Variants in AGBL4 observed in about 807,000 individuals in gnomAD.
AGBL4 encodes the protein cytosolic carboxypeptidase 6.
Under a neutral mutation model 66.4 loss-of-function variants are expected in AGBL4, and 58 were observed. The ratio of observed to expected loss-of-function variants is 0.87; its 90% confidence interval spans 0.71 to 1.09. The LOEUF (loss-of-function observed/expected upper bound fraction) is 1.09, where lower values mean the gene tolerates loss of function less well. AGBL4 is among the 50% of genes least tolerant of loss of function. The pLI is 0.00. For missense variants in AGBL4, 579 were observed against 631.0 expected, an observed-to-expected ratio of 0.92 and a Z score of 0.88; for synonymous variants, 234 against 222.9, an observed-to-expected ratio of 1.05 and a Z score of -0.44.
intron 7 of AGBL4, among the ~76,000 whole-genome samples, chr1:48,655,699 A>T (rs1214381563): frequency 6.6e-6 from 1 of 152,198 alleles, no homozygotes; most frequent in Non-Finnish European, 1.5e-5. Context: ...AGTTAAAAAC[A>T]GGATTAGTTT....
At chr1:48,841,833 T>G (rs1646812960) in intron 6 of AGBL4, among the ~76,000 whole-genome samples, 1 of 152,186 alleles carries the variant, frequency 6.6e-6, no homozygotes, top group Non-Finnish European at 1.5e-5. Context: ...TAAAAAAATC[T>G]GTGGCAATTA....
intron 11 of AGBL4, among the ~76,000 whole-genome samples, chr1:48,547,454 G>T (rs1470623537): frequency 6.6e-6 from 1 of 152,148 alleles, no homozygotes; most frequent in Non-Finnish European, 1.5e-5. Flanking sequence ...GGCTTTAGCA[G>T]CTGGGTCGAT....
chr1:49,339,233 G>A (rs538339940), intron 3 of AGBL4, among the ~76,000 whole-genome samples: 1 of 152,240 alleles, frequency 6.6e-6, no homozygotes, highest in African/African-American at 2.4e-5. Context: ...TACTTTCAAT[G>A]TTATTTGTTC....
intron 6 of AGBL4, among the ~76,000 whole-genome samples, chr1:48,857,265 C>T (rs1475150001): frequency 6.6e-6 from 1 of 152,168 alleles, no homozygotes; most frequent in African/African-American, 2.4e-5. Context: ...AACATAATTC[C>T]ATGAAGATAG....
intron 4 of AGBL4, among the ~76,000 whole-genome samples, chr1:49,113,434 G>A (rs1645453589): frequency 6.6e-6 from 1 of 151,434 alleles, no homozygotes; most frequent in South Asian, 2.1e-4. Flanking sequence ...ATCTTTTTTA[G>A]TAGAGATGGG....
intron 3 of AGBL4, among the ~76,000 whole-genome samples, chr1:49,682,017 A>C (rs962211084): frequency 6.6e-6 from 1 of 152,204 alleles, no homozygotes. Flanking sequence ...CCTACTAAAA[A>C]AGTACAGCAA....
chr1:48,813,881 G>A (rs1646115308), intron 6 of AGBL4, among the ~76,000 whole-genome samples: 1 of 151,174 alleles, frequency 6.6e-6, no homozygotes, highest in Non-Finnish European at 1.5e-5. Flanking sequence ...AGAGGGCTCT[G>A]GGAGAAAAGG....
intron 5 of AGBL4, among the ~76,000 whole-genome samples, chr1:48,894,116 C>T (rs116228848): frequency 6.6e-6 from 1 of 152,082 alleles, no homozygotes; most frequent in East Asian, 1.9e-4. Flanking sequence ...ATGTGCAAAC[C>T]CTTTGACCCA....
intron 6 of AGBL4, among the ~76,000 whole-genome samples, chr1:48,820,056 T>C (rs1488300779): frequency 1.3e-5 from 2 of 152,192 alleles, no homozygotes; most frequent in Non-Finnish European, 2.9e-5. Context: ...TAACTTCCAT[T>C]CTAAGTAAGC....
intron 2 of AGBL4, among the ~76,000 whole-genome samples, chr1:49,705,320 G>C (rs1046531550): frequency 6.6e-6 from 1 of 152,136 alleles, no homozygotes; most frequent in Non-Finnish European, 1.5e-5. Context: ...AGAATATTTT[G>C]AGCTGAGATG....
At chr1:49,062,429 A>G (rs1206697468) in intron 4 of AGBL4, among the ~76,000 whole-genome samples, 1 of 152,184 alleles carries the variant, frequency 6.6e-6, no homozygotes, top group Non-Finnish European at 1.5e-5. Flanking sequence ...GAGTAGGTCC[A>G]TGTTTCTATT....
intron 6 of AGBL4, chr1:48,776,856 G>T: frequency 6.8e-7 from 1 of 1,476,910 alleles, no homozygotes; most frequent in Non-Finnish European, 9.0e-7. Context: ...GCGGGCCCCG[G>T]TCGGGCAGCT....
intron 4 of AGBL4, among the ~76,000 whole-genome samples, chr1:49,135,425 G>C (rs1645991100): frequency 6.6e-6 from 1 of 152,084 alleles, no homozygotes; most frequent in South Asian, 2.1e-4. Context: ...AGCAGTGCTA[G>C]AGGAATTAAA....
At chr1:49,880,407 G>C (rs1452234242) in intron 1 of AGBL4, among the ~76,000 whole-genome samples, 1 of 152,070 alleles carries the variant, frequency 6.6e-6, no homozygotes, top group Non-Finnish European at 1.5e-5. Flanking sequence ...CAGGTCTGTT[G>C]GAATACCCTG....
intron 6 of AGBL4, among the ~76,000 whole-genome samples, chr1:48,673,548 T>C (rs1027396879): frequency 6.6e-6 from 1 of 152,244 alleles, no homozygotes; most frequent in Non-Finnish European, 1.5e-5. Context: ...GAGATTTCAC[T>C]TAATGAAGGA....
intron 3 of AGBL4, among the ~76,000 whole-genome samples, chr1:49,453,506 C>G (rs1416008137): frequency 6.6e-6 from 1 of 151,684 alleles, no homozygotes; most frequent in African/African-American, 2.4e-5. Context: ...CAACTTTTAG[C>G]TAAAAGCAAG....
chr1:49,155,821 T>C (rs1051088937), intron 4 of AGBL4, among the ~76,000 whole-genome samples: 1 of 152,208 alleles, frequency 6.6e-6, no homozygotes. Context: ...AAACATGATC[T>C]TCCTGGCTGA....
At chr1:48,789,295 T>TA (rs1491120465) in intron 6 of AGBL4, among the ~76,000 whole-genome samples, 653 of 14,580 alleles carry the variant, frequency 0.045, 2 homozygotes, top group South Asian at 0.23. Flanking sequence ...TATATATATA[T>TA]TTTTTTTTTT....
intron 6 of AGBL4, among the ~76,000 whole-genome samples, chr1:48,833,298 A>G (rs1646598314): frequency 6.6e-6 from 1 of 152,198 alleles, no homozygotes; most frequent in South Asian, 2.1e-4. Flanking sequence ...AGGGAAGGCA[A>G]TCCTTTTGCA....
Sources: allele counts gnomAD v4.1 joint callset (sites outside exome capture counted in the v4.1 genomes callset), GRCh38; gene constraint gnomAD v4.1.1; transcripts MANE v1.5; gene names NCBI Gene and HGNC (gene_info 2026-07-23, HGNC 2026-07-21).